The following LDB2 variants were observed in gnomAD, a reference collection of about 807,000 sequenced individuals.
LDB2 encodes LIM domain binding 2, also known as LIM domain-binding protein 2.
A neutral mutation model predicts 44.3 loss-of-function variants in LDB2; 12 were observed. That is an observed-to-expected ratio of 0.27 (90% CI 0.17 to 0.44). LDB2 has a LOEUF of 0.44. Ranked by LOEUF, LDB2 falls within the 20% of genes least tolerant of loss-of-function variation. LDB2 has a pLI of 1.00. For synonymous variants in LDB2, 164 were observed against 174.8 expected (o/e 0.94, Z 0.49); for missense variants, 344 against 473.5 (o/e 0.73, Z 2.54).
intron 2 of LDB2, among the ~76,000 whole-genome samples, chr4:16,691,305 C>T (rs1229465877): frequency 3.3e-5 from 5 of 152,052 alleles, no homozygotes; most frequent in African/African-American, 1.2e-4. Flanking sequence ...TAGAGCTTAC[C>T]ATGTTCATGG....
chr4:16,681,446 C>T (rs934677913), intron 2 of LDB2, among the ~76,000 whole-genome samples: 12 of 152,072 alleles, frequency 7.9e-5, no homozygotes, highest in Admixed American at 6.5e-5. Flanking sequence ...TTGTGAGAAC[C>T]TAAACTGAGA....
At chr4:16,618,108 T>A (rs1483799218) in intron 2 of LDB2, among the ~76,000 whole-genome samples, 2 of 152,192 alleles carry the variant, frequency 1.3e-5, no homozygotes. Flanking sequence ...ATTAACTACG[T>A]ACACTTGTCT....
At position 16,510,816 on chromosome 4, in the gene LDB2, C is replaced by G. The variant is rs537209101; in HGVS notation, c.739+1165G>C. On this transcript the variant is annotated intron_variant, in intron 6 of 7. Coordinates refer to ENST00000304523, the MANE Select transcript of LDB2 (RefSeq NM_001290.5). ...TAACTCCCAGTGGCTAGAACCACGT[C>G]TGGAGCCTAATAAATCTCAATAAAT... Among the ~76,000 whole-genome samples the G allele has an allele frequency of 1.4e-4, 21 of 152,234 alleles. No homozygotes were observed. In the South Asian group the frequency reaches 4.1e-3, roughly 30 times the overall value.
chr4:16,687,922 AAC>A (rs1749666271), intron 2 of LDB2, among the ~76,000 whole-genome samples: 1 of 152,238 alleles, frequency 6.6e-6, no homozygotes, highest in South Asian at 2.1e-4. Context: ...TATCCAATTC[AAC>A]ACACATTGCC....
intron 1 of LDB2, among the ~76,000 whole-genome samples, chr4:16,882,080 A>C (rs1454568488): frequency 6.6e-6 from 1 of 152,214 alleles, no homozygotes; most frequent in Non-Finnish European, 1.5e-5. Flanking sequence ...CAGTACCGCA[A>C]TCCTGGCTGG....
At chr4:16,845,938 T>C (rs898975454) in intron 1 of LDB2, among the ~76,000 whole-genome samples, 1 of 151,806 alleles carries the variant, frequency 6.6e-6, no homozygotes, top group African/African-American at 2.4e-5. Flanking sequence ...AGAAACCCCA[T>C]CTCTACCAAA....
At chr4:16,850,834 C>A (rs929321642) in intron 1 of LDB2, among the ~76,000 whole-genome samples, 1 of 151,964 alleles carries the variant, frequency 6.6e-6, no homozygotes, top group Non-Finnish European at 1.5e-5. Context: ...TGCTCAACAT[C>A]CAAATGGGAA....
chr4:16,528,039 T>C (rs1728840007), intron 5 of LDB2, among the ~76,000 whole-genome samples: 1 of 151,998 alleles, frequency 6.6e-6, no homozygotes, highest in Non-Finnish European at 1.5e-5. Flanking sequence ...TAAAAAAGAA[T>C]GAGTTAATGG....
In LDB2 at chr4:16,674,782, C is replaced by T. The variant is rs553938786; in HGVS notation, c.236-78907G>A. ...AAAAATTAAAGAAAGAAAAATCTACCGAAAGCACACACACACACACACACA... is the reference window on the plus strand; with the variant it reads ...AAAAATTAAAGAAAGAAAAATCTACTGAAAGCACACACACACACACACACA... On this transcript the variant is annotated intron_variant, in intron 2 of 7. Transcript: ENST00000304523. Among the ~76,000 whole-genome samples, 129 of 136,910 alleles carry T rather than the reference C, an allele frequency of 9.4e-4. 1 individual carries two copies. The highest frequency in any genetic ancestry group is 3.4e-3 in the African/African-American group (123 of 36,306). The allele number at this position is 136,910 out of a possible 152,430, so 89.8% of individuals were successfully genotyped here.
intron 1 of LDB2, among the ~76,000 whole-genome samples, chr4:16,833,681 TACCGGCGCATGCC>T (rs1210270521): frequency 6.6e-6 from 1 of 152,156 alleles, no homozygotes; most frequent in Non-Finnish European, 1.5e-5. Flanking sequence ...TAGCTGGGAC[TACCGGCGCATGCC>T]ACCACGCCCA....
intron 1 of LDB2, among the ~76,000 whole-genome samples, chr4:16,763,439 T>TACACACACAC (rs56114847): frequency 0.15 from 21,068 of 140,964 alleles, 1,606 homozygotes; most frequent in Middle Eastern, 0.25. Context: ...TGTAAACACG[T>TACACACACAC]ACACACACAC....
chr4:16,702,511 G>C (rs1195746510), intron 2 of LDB2, among the ~76,000 whole-genome samples: 2 of 152,172 alleles, frequency 1.3e-5, no homozygotes, highest in Non-Finnish European at 2.9e-5. Flanking sequence ...CCAGTTTCAA[G>C]AAGTAGGTAA....
At chr4:16,812,089 T>C (rs1195408629) in intron 1 of LDB2, among the ~76,000 whole-genome samples, 1 of 152,244 alleles carries the variant, frequency 6.6e-6, no homozygotes, top group East Asian at 1.9e-4. Context: ...CCGTCCTTTA[T>C]AATTTCTCAC....
chr4:16,559,903 T>C (rs1741387295), intron 5 of LDB2, among the ~76,000 whole-genome samples: 2 of 152,090 alleles, frequency 1.3e-5, no homozygotes, highest in Non-Finnish European at 2.9e-5. Context: ...GAACTCAGGA[T>C]TAAGAAACTC....
At chr4:16,503,042 A>G (rs1577205530) in intron 7 of LDB2, 169 bp from the exon 8 acceptor site, 2 of 1,545,392 alleles carry the variant, frequency 1.3e-6, no homozygotes, top group East Asian at 4.8e-5. Context: ...TTCTACAGGA[A>G]ATAAACATCG....
intron 1 of LDB2, among the ~76,000 whole-genome samples, chr4:16,775,876 G>A (rs761385387): frequency 6.6e-6 from 1 of 152,162 alleles, no homozygotes; most frequent in Non-Finnish European, 1.5e-5. Context: ...TGACTGAAGC[G>A]AAGCCTCTAT....
intron 7 of LDB2, among the ~76,000 whole-genome samples, chr4:16,504,146 C>A (rs1422603405): frequency 6.6e-6 from 1 of 152,104 alleles, no homozygotes; most frequent in Admixed American, 6.5e-5. Flanking sequence ...AAGGCTAATT[C>A]AATAAAATAT....
At chr4:16,888,410 A>ATAATTC (rs1267785995) in intron 1 of LDB2, among the ~76,000 whole-genome samples, 1 of 152,214 alleles carries the variant, frequency 6.6e-6, no homozygotes, top group Non-Finnish European at 1.5e-5. Flanking sequence ...TGCCTAAGAA[A>ATAATTC]TAATTCTAGC....
At chr4:16,869,840 T>C (rs1371167245) in intron 1 of LDB2, among the ~76,000 whole-genome samples, 2 of 152,220 alleles carry the variant, frequency 1.3e-5, no homozygotes, top group East Asian at 1.9e-4. Context: ...TTGAGGAACA[T>C]CCTGCTGTTT....
Sources: allele counts gnomAD v4.1 joint callset (sites outside exome capture counted in the v4.1 genomes callset), GRCh38; gene constraint gnomAD v4.1.1; transcripts MANE v1.5; gene names NCBI Gene and HGNC (gene_info 2026-07-23, HGNC 2026-07-21).